Variants in ZNF516 observed in about 807,000 individuals in gnomAD.
ZNF516 encodes zinc finger protein 516.
Under a neutral mutation model 79.7 loss-of-function variants are expected in ZNF516, and 19 were observed. That is an observed-to-expected ratio of 0.24 (90% confidence interval 0.17 to 0.35). The LOEUF (loss-of-function observed/expected upper bound fraction) is 0.35, where lower values mean the gene tolerates loss of function less well. Among genes scored for constraint, ZNF516 ranks in the 10% least tolerant of loss-of-function variants. The pLI is 1.00. For missense variants in ZNF516, 1,678 were observed against 1,679.5 expected (o/e 1.00, Z 0.02); for synonymous variants, 877 against 739.5 (o/e 1.19, Z -3.02).
chr18:76,434,890 G>A (rs1358198283), intron 3 of ZNF516, among the ~76,000 whole-genome samples: 1 of 152,236 alleles, frequency 6.6e-6, no homozygotes, highest in Non-Finnish European at 1.5e-5. Flanking sequence ...CCCAGGGGCT[G>A]AAGAACTTCT....
chr18:76,490,182 G>T lies in ZNF516; in HGVS notation c.-272+4962C>A, dbSNP rs542222019. On this transcript the variant is annotated intron_variant, in intron 1 of 6. Transcript: ENST00000443185. ...CCAGAGCCCATTCAAGATGGCCATG[G>T]GGGTCACTCCTGTGAAATTAAAGAC... 1,996 of 985,340 alleles carry T rather than the reference G, an allele frequency of 2.0e-3. 4 individuals are homozygous for T. The highest frequency in any genetic ancestry group is 2.2e-3 in the Non-Finnish European group (1,829 of 829,884). 61.0% of individuals were successfully genotyped at this position (985,340 alleles called of 1,614,324 possible). A position where few individuals can be genotyped will look rare whatever the true frequency, so the allele number is the denominator to read the frequency against.
chr18:76,496,195 G>T, upstream of ZNF516: 28 of 1,177,270 alleles, frequency 2.4e-5, no homozygotes, highest in Non-Finnish European at 3.1e-5. Flanking sequence ...CGGAGCTAGC[G>T]AGGGCGAGCG....
intron 2 of ZNF516, among the ~76,000 whole-genome samples, chr18:76,462,212 C>G (rs1021287892): frequency 6.6e-6 from 1 of 152,188 alleles, no homozygotes. Context: ...GGGGAGCGGG[C>G]AGGACTTGCA....
chr18:76,471,146 T>C (rs1389537651), intron 1 of ZNF516, among the ~76,000 whole-genome samples: 1 of 151,950 alleles, frequency 6.6e-6, no homozygotes, highest in Non-Finnish European at 1.5e-5. Context: ...CAGATAAAGA[T>C]GGTATTATGA....
chr18:76,468,011 T>C (rs1913593847), intron 1 of ZNF516, among the ~76,000 whole-genome samples: 1 of 152,092 alleles, frequency 6.6e-6, no homozygotes, highest in Non-Finnish European at 1.5e-5. Context: ...CGGACGGCCT[T>C]GCGGGACTCC....
intron 1 of ZNF516, among the ~76,000 whole-genome samples, chr18:76,487,142 T>C (rs1363094432): frequency 6.6e-6 from 1 of 152,222 alleles, no homozygotes; most frequent in Non-Finnish European, 1.5e-5. Flanking sequence ...TGGAAATGAC[T>C]TTTAAGGCAT....
rs754323763 is a variant in ZNF516 at position 76,359,069 on chromosome 18, C to T, written c.*3429G>A. Reference sequence around the variant, plus strand: ...CGGAGCCCCTGCAGAGGTGTTCTCACACCCTCAGCGACCTGTGCACAGTGG... The same window carrying T: ...CGGAGCCCCTGCAGAGGTGTTCTCATACCCTCAGCGACCTGTGCACAGTGG... On this transcript the variant is annotated 3_prime_UTR_variant, in exon 7 of 7. Coordinates refer to ENST00000443185, the MANE Select transcript of ZNF516 (RefSeq NM_014643.4). 1.3e-5 allele frequency: 2 copies of T among 152,244 alleles called. No homozygotes were observed. The highest frequency in any genetic ancestry group is 2.9e-5 in the Non-Finnish European group (2 of 68,076). 9.4% of individuals were successfully genotyped at this position (152,244 alleles called of 1,614,324 possible). A position where few individuals can be genotyped will look rare whatever the true frequency, so the allele number is the denominator to read the frequency against.
chr18:76,445,018 G>A (rs1267007670), intron 2 of ZNF516, among the ~76,000 whole-genome samples: 1 of 152,284 alleles, frequency 6.6e-6, no homozygotes, highest in East Asian at 1.9e-4. Flanking sequence ...CTCCAGGAAC[G>A]CACCCAGCAG....
chr18:76,491,715 A>G (rs1418870493), intron 1 of ZNF516: 1 of 19,406 alleles, frequency 5.2e-5, no homozygotes, highest in African/African-American at 2.2e-4. Flanking sequence ...ACCCGCCCCC[A>G]GCCCAGAGGG....
chr18:76,401,984 C>A (rs2075235034), intron 3 of ZNF516, among the ~76,000 whole-genome samples: 4 of 151,904 alleles, frequency 2.6e-5, no homozygotes, highest in African/African-American at 9.7e-5. Flanking sequence ...TGCCTATGTG[C>A]ATGTGTGTAC....
intron 2 of ZNF516, among the ~76,000 whole-genome samples, chr18:76,452,126 C>T (rs1912450053): frequency 6.6e-6 from 1 of 152,226 alleles, no homozygotes; most frequent in Non-Finnish European, 1.5e-5. Flanking sequence ...ACCTCCCCCA[C>T]TAGGGGAAAA....
At chr18:76,370,684 A>T in intron 5 of ZNF516, 89 bp from the exon 6 acceptor site, 1 of 1,083,712 alleles carries the variant, frequency 9.2e-7, no homozygotes, top group Non-Finnish European at 1.3e-6. Context: ...AAGTACTTCC[A>T]CAAAAAAAGA....
chr18:76,371,357 G>C, intron 5 of ZNF516, 110 bp downstream of exon 5: 3 of 1,147,214 alleles, frequency 2.6e-6, no homozygotes, highest in Non-Finnish European at 2.4e-6. Flanking sequence ...CCGCCGCCTG[G>C]TAGGGGCTGA....
At chr18:76,468,740 T>C (rs958871616) in intron 1 of ZNF516, among the ~76,000 whole-genome samples, 2 of 152,152 alleles carry the variant, frequency 1.3e-5, no homozygotes, top group East Asian at 1.9e-4. Flanking sequence ...CTTTTATGTG[T>C]AGTCCAAGAC....
chr18:76,480,373 C>G (rs1914438896), intron 1 of ZNF516, among the ~76,000 whole-genome samples: 1 of 151,932 alleles, frequency 6.6e-6, no homozygotes, highest in East Asian at 1.9e-4. Context: ...GCAAAACTGC[C>G]CTTGAATGCT....
intron 3 of ZNF516, chr18:76,386,909 G>A (rs1033305830): frequency 1.3e-5 from 2 of 152,128 alleles, no homozygotes; most frequent in African/African-American, 4.8e-5. Context: ...TATAATTTCG[G>A]CAACCACATC....
At chr18:76,487,212 C>T (rs1216382734) in intron 1 of ZNF516, among the ~76,000 whole-genome samples, 1 of 152,176 alleles carries the variant, frequency 6.6e-6, no homozygotes. Context: ...GAAAACATCT[C>T]AGGCTAGACA....
At chr18:76,437,031 C>T (rs141740661) in intron 3 of ZNF516, among the ~76,000 whole-genome samples, 2,595 of 148,428 alleles carry the variant, frequency 0.017, 74 homozygotes, top group African/African-American at 0.06. Flanking sequence ...TGTGCCACTG[C>T]ACTCCAGCCT....
intron 3 of ZNF516, among the ~76,000 whole-genome samples, 156 bp from the exon 4 acceptor site, chr18:76,380,459 G>A (rs2074873479): frequency 6.6e-6 from 1 of 152,064 alleles, no homozygotes; most frequent in Non-Finnish European, 1.5e-5. Flanking sequence ...CCCCTGAGGA[G>A]CCACCCAGAC....
Sources: allele counts gnomAD v4.1 joint callset (sites outside exome capture counted in the v4.1 genomes callset), GRCh38; gene constraint gnomAD v4.1.1; transcripts MANE v1.5; gene names NCBI Gene and HGNC (gene_info 2026-07-23, HGNC 2026-07-21).